The following IL16 variants were observed in gnomAD, a reference collection of about 807,000 sequenced individuals.
The protein encoded by IL16 is pro-interleukin-16.
In IL16, 67 loss-of-function variants were observed where a neutral mutation model predicts 110.1. The ratio of observed to expected loss-of-function variants is 0.61; its 90% CI spans 0.50 to 0.75. The LOEUF is 0.75. Ranked by LOEUF, IL16 falls within the 30% of genes least tolerant of loss-of-function variation. The pLI is 0.00. For missense variants in IL16, 1,545 were observed against 1,655.0 expected, an observed-to-expected ratio of 0.93 and a Z score of 1.15; for synonymous variants, 689 against 662.9, an observed-to-expected ratio of 1.04 and a Z score of -0.61.
chr15:81,239,259 G>GCCA (rs1235944398), intron 2 of IL16, among the ~76,000 whole-genome samples: 1 of 152,146 alleles, frequency 6.6e-6, no homozygotes, highest in African/African-American at 2.4e-5. Flanking sequence ...TTAGTAGGCA[G>GCCA]CCACTCTGTT....
At chr15:81,274,312 A>T (rs879612297) in intron 6 of IL16, among the ~76,000 whole-genome samples, 19 of 152,204 alleles carry the variant, frequency 1.2e-4, no homozygotes, top group Non-Finnish European at 2.4e-4. Context: ...AGTGTTTTTG[A>T]TTATTTTATG....
intron 2 of IL16, among the ~76,000 whole-genome samples, chr15:81,254,410 G>A (rs916036213): frequency 6.6e-6 from 1 of 152,050 alleles, no homozygotes; most frequent in African/African-American, 2.4e-5. Flanking sequence ...GTTTGTTTTT[G>A]TTTTTTTCCC....
At position 81,232,449 on chromosome 15, in the gene IL16, G is replaced by A. The variant is rs1281200996; in HGVS notation, c.312+6738G>A. 2.0e-5 allele frequency among the ~76,000 whole-genome samples: 3 copies of A among 152,034 alleles called. 1 individual carries two copies. Among genetic ancestry groups the A allele is most frequent in the African/African-American group, 4.8e-5 (2 of 41,404 alleles). The stretch of plus-strand genomic sequence containing the variant: ...GGAAAGTTTCATTATTATTATGTCT[G>A]TACATATGATGTTTGTTGTAGTTTT... On this transcript the variant is annotated intron_variant, in intron 2 of 18. Transcript: ENST00000683961.
chr15:81,265,376 A>G (rs1313388843), intron 3 of IL16, among the ~76,000 whole-genome samples: 1 of 152,152 alleles, frequency 6.6e-6, no homozygotes, highest in Non-Finnish European at 1.5e-5. Flanking sequence ...ACACTGATTG[A>G]CTTGCAGGAA....
At position 81,312,345 on chromosome 15, in the gene IL16, G is replaced by A. The variant is rs1900904543; in HGVS notation, c.*3547G>A. ...TTTCCAGCCAGGGCTGCTAGACGGA[G>A]GCCTACTCTTCCATCTTTCCTGATG... On this transcript the variant is annotated 3_prime_UTR_variant, in exon 19 of 19. Coordinates refer to ENST00000683961, the MANE Select transcript of IL16 (RefSeq NM_172217.5). 1 of 152,254 alleles carries A rather than the reference G, an allele frequency of 6.6e-6. No individual in the cohort carries two copies. The highest frequency in any genetic ancestry group is 2.4e-5 in the African/African-American group (1 of 41,444). 9.4% of individuals were successfully genotyped at this position (152,254 alleles called of 1,614,324 possible). A position where few individuals can be genotyped will look rare whatever the true frequency, so the allele number is the denominator to read the frequency against.
chr15:81,219,783 T>C (rs759565414), intron 1 of IL16, among the ~76,000 whole-genome samples: 68 of 152,104 alleles, frequency 4.5e-4, no homozygotes, highest in Non-Finnish European at 9.9e-4. Context: ...GCTGAGATGG[T>C]TTCCTTGAGA....
chr15:81,238,997 G>C (rs1472626130), intron 2 of IL16, among the ~76,000 whole-genome samples: 3 of 148,950 alleles, frequency 2.0e-5, no homozygotes, highest in Non-Finnish European at 4.5e-5. Context: ...ATTTGAATTG[G>C]TGTTCTTTTT....
intron 2 of IL16, among the ~76,000 whole-genome samples, chr15:81,251,632 G>A (rs66718746): frequency 0.24 from 36,086 of 152,036 alleles, 4,966 homozygotes; most frequent in African/African-American, 0.38. Flanking sequence ...AAAAGAAAGC[G>A]ACAGAACTGA....
chr15:81,286,680 G>A (rs1433063460), intron 10 of IL16, among the ~76,000 whole-genome samples: 1 of 152,184 alleles, frequency 6.6e-6, no homozygotes, highest in Admixed American at 6.5e-5. Flanking sequence ...GGTGGAGTGT[G>A]GGGTTTGTAA....
At chr15:81,202,360 G>T (rs548525126) in intron 1 of IL16, among the ~76,000 whole-genome samples, 1 of 152,270 alleles carries the variant, frequency 6.6e-6, no homozygotes, top group South Asian at 2.1e-4. Context: ...TTGGTTTGTG[G>T]TTTCATTTTA....
intron 17 of IL16, 37 bp downstream of exon 17, chr15:81,306,203 A>C: frequency 6.2e-7 from 1 of 1,600,024 alleles, no homozygotes; most frequent in Non-Finnish European, 8.5e-7. Flanking sequence ...CACATGGGCC[A>C]CATCCTCTTT....
At chr15:81,273,389 T>C (rs959878295) in intron 6 of IL16, among the ~76,000 whole-genome samples, 185 bp downstream of exon 6, 2 of 152,172 alleles carry the variant, frequency 1.3e-5, no homozygotes, top group Non-Finnish European at 2.9e-5. Context: ...TCATTATGAC[T>C]GGCAGGTTGG....
chr15:81,186,778 T>C (rs1287934891), intron 1 of IL16, among the ~76,000 whole-genome samples: 1 of 152,196 alleles, frequency 6.6e-6, no homozygotes, highest in East Asian at 1.9e-4. Flanking sequence ...TCTATCCATC[T>C]CTCCATCCCT....
intron 2 of IL16, among the ~76,000 whole-genome samples, chr15:81,232,042 GT>G: frequency 0.015 from 888 of 57,698 alleles, 8 homozygotes; most frequent in African/African-American, 0.038. Context: ...ATTTGTTCTT[GT>G]TTTTTTTTTT....
intron 4 of IL16, among the ~76,000 whole-genome samples, chr15:81,268,405 G>A (rs888671142): frequency 6.6e-6 from 1 of 152,248 alleles, no homozygotes; most frequent in African/African-American, 2.4e-5. Flanking sequence ...GACAGATACA[G>A]AGGCCAGGCT....
At chr15:81,267,913 A>G (rs1049844387) in intron 4 of IL16, among the ~76,000 whole-genome samples, 2 of 152,182 alleles carry the variant, frequency 1.3e-5, no homozygotes, top group Admixed American at 6.5e-5. Context: ...ATCTCATTCC[A>G]AAGCACCCTC....
intron 2 of IL16, among the ~76,000 whole-genome samples, chr15:81,258,914 C>A (rs1898052815): frequency 6.6e-6 from 1 of 152,028 alleles, no homozygotes. Flanking sequence ...AATAGAATAA[C>A]AATCAGAAAA....
At chr15:81,274,520 G>A (rs11636023) in intron 6 of IL16, among the ~76,000 whole-genome samples, 24,795 of 152,150 alleles carry the variant, frequency 0.16, 2,481 homozygotes, top group South Asian at 0.3. Flanking sequence ...AGAGAAAAAG[G>A]ATGGATCATA....
At chr15:81,242,028 A>T (rs1462011689) in intron 2 of IL16, among the ~76,000 whole-genome samples, 3 of 151,548 alleles carry the variant, frequency 2.0e-5, no homozygotes, top group African/African-American at 7.3e-5. Flanking sequence ...CTTCCATTGA[A>T]TTCCTGCTGC....
Sources: gnomAD v4.1 joint callset for allele counts (sites outside exome capture counted in the v4.1 genomes callset) on GRCh38, gnomAD v4.1.1 for gene constraint, MANE v1.5 for transcripts, NCBI Gene and HGNC (gene_info 2026-07-23, HGNC 2026-07-21) for gene names.